Variants in SELENOF observed in about 807,000 individuals in gnomAD.
SELENOF encodes the protein 15 kDa selenoprotein.
SELENOF carries 16 observed loss-of-function variants against 20.5 expected under a neutral mutation model. The ratio of observed to expected loss-of-function variants is 0.78; its 90% CI spans 0.53 to 1.19. SELENOF has a LOEUF of 1.19. Ranked by LOEUF, SELENOF falls within the 50% of genes most tolerant of loss-of-function variation. The pLI is 0.00. For synonymous variants in SELENOF, 78 were observed against 74.5 expected (o/e 1.05, Z -0.24); for missense variants, 215 against 194.2 (o/e 1.11, Z -0.64).
At chr1:86,906,186 T>C (rs1005451244) in intron 1 of SELENOF, among the ~76,000 whole-genome samples, 2 of 152,188 alleles carry the variant, frequency 1.3e-5, no homozygotes, top group Admixed American at 6.5e-5. Context: ...TGTGACTTTA[T>C]TGGTTAATTT....
intron 3 of SELENOF, among the ~76,000 whole-genome samples, chr1:86,873,958 T>C (rs998095429): frequency 2.6e-5 from 4 of 152,170 alleles, no homozygotes; most frequent in African/African-American, 9.6e-5. Context: ...CTGATCCATT[T>C]AATCATTAGA....
intron 2 of SELENOF, among the ~76,000 whole-genome samples, chr1:86,884,827 G>C (rs368304340): frequency 6.6e-6 from 1 of 152,166 alleles, no homozygotes; most frequent in South Asian, 2.1e-4. Context: ...TCTAACTCTA[G>C]CCCATTATTG....
At chr1:86,904,083 A>T (rs1439705952) in intron 1 of SELENOF, among the ~76,000 whole-genome samples, 2 of 152,232 alleles carry the variant, frequency 1.3e-5, no homozygotes, top group Non-Finnish European at 2.9e-5. Context: ...TTTTCTTATA[A>T]GAAAAAATAA....
chr1:86,894,705 C>T (rs1659475532), intron 2 of SELENOF, among the ~76,000 whole-genome samples: 3 of 152,012 alleles, frequency 2.0e-5, no homozygotes, highest in South Asian at 2.1e-4. Context: ...GGGGTGATGA[C>T]GCATGTCAAT....
intron 2 of SELENOF, among the ~76,000 whole-genome samples, chr1:86,886,493 A>G (rs1420151874): frequency 1.3e-5 from 2 of 151,922 alleles, no homozygotes; most frequent in Non-Finnish European, 2.9e-5. Flanking sequence ...CTCATTTTGG[A>G]AACTATTTTA....
At chr1:86,882,927 ACCAG>A (rs140472330) in intron 2 of SELENOF, among the ~76,000 whole-genome samples, 14,111 of 152,148 alleles carry the variant, frequency 0.093, 755 homozygotes, top group Non-Finnish European at 0.12. Context: ...GGAGTTCGAG[ACCAG>A]CCTGGCCAAC....
At chr1:86,885,690 A>C (rs1659194441) in intron 2 of SELENOF, among the ~76,000 whole-genome samples, 1 of 152,214 alleles carries the variant, frequency 6.6e-6, no homozygotes. Context: ...GTTGAGTCAA[A>C]CTAAATATCA....
At chr1:86,894,875 A>C (rs996226762) in intron 2 of SELENOF, among the ~76,000 whole-genome samples, 7 of 151,890 alleles carry the variant, frequency 4.6e-5, no homozygotes, top group Non-Finnish European at 1.5e-5. Context: ...AACAAACAAA[A>C]AAACCAAAGA....
At chr1:86,885,799 C>T (rs1470870565) in intron 2 of SELENOF, among the ~76,000 whole-genome samples, 1 of 152,058 alleles carries the variant, frequency 6.6e-6, no homozygotes, top group African/African-American at 2.4e-5. Flanking sequence ...GCAGTATGCC[C>T]CCTTGGGTAA....
chr1:86,897,852 A>T (rs1461727711), intron 2 of SELENOF, among the ~76,000 whole-genome samples: 1 of 152,216 alleles, frequency 6.6e-6, no homozygotes, highest in Non-Finnish European at 1.5e-5. Context: ...CCTTCCTCCC[A>T]GGTTGCTGCT....
intron 3 of SELENOF, among the ~76,000 whole-genome samples, chr1:86,875,288 C>T (rs1460647666): frequency 6.6e-6 from 1 of 151,740 alleles, no homozygotes; most frequent in African/African-American, 2.4e-5. Flanking sequence ...TTATATACAT[C>T]TGGACTGCAA....
chr1:86,878,698 G>C (rs1658987148), intron 3 of SELENOF, among the ~76,000 whole-genome samples: 1 of 151,986 alleles, frequency 6.6e-6, no homozygotes, highest in South Asian at 2.1e-4. Flanking sequence ...AGAGAGAAAA[G>C]AATATGAAGC....
chr1:86,908,965 A>G (rs1412227124), intron 1 of SELENOF, among the ~76,000 whole-genome samples: 1 of 152,238 alleles, frequency 6.6e-6, no homozygotes, highest in African/African-American at 2.4e-5. Flanking sequence ...TATTAACTTG[A>G]AATTAAAGCT....
intron 2 of SELENOF, among the ~76,000 whole-genome samples, chr1:86,902,550 T>G (rs1659729415): frequency 6.6e-6 from 1 of 152,160 alleles, no homozygotes; most frequent in African/African-American, 2.4e-5. Flanking sequence ...ACAACAGAAA[T>G]ATGCTAACAT....
At chr1:86,873,007 A>C (rs1658819787) in intron 3 of SELENOF, among the ~76,000 whole-genome samples, 1 of 151,808 alleles carries the variant, frequency 6.6e-6, no homozygotes, top group African/African-American at 2.4e-5. Context: ...TGCAAGCGCC[A>C]CTGCACTCCA....
At chr1:86,913,777 G>C in intron 1 of SELENOF, 1 of 493,488 alleles carries the variant, frequency 2.0e-6, no homozygotes, top group African/African-American at 1.9e-5. Flanking sequence ...ATTGTTTTTA[G>C]CAAGAGCCGT....
intron 2 of SELENOF, among the ~76,000 whole-genome samples, chr1:86,883,125 CA>C (rs34608814): frequency 0.3 from 29,136 of 95,986 alleles, 3,127 homozygotes; most frequent in African/African-American, 0.44. Flanking sequence ...AGACTTGTCT[CA>C]AAAAAAAAAA....
upstream of SELENOF, chr1:86,914,199 G>T: frequency 1.7e-6 from 2 of 1,180,000 alleles, no homozygotes; most frequent in Non-Finnish European, 2.5e-6. Flanking sequence ...GCTAACGGCC[G>T]TTGCCCTTAC....
intron 3 of SELENOF, among the ~76,000 whole-genome samples, chr1:86,870,022 C>CTTGG (rs1658718768): frequency 6.6e-6 from 1 of 152,166 alleles, no homozygotes; most frequent in Admixed American, 6.5e-5. Flanking sequence ...ATCCGCCTGC[C>CTTGG]TTGGCCTCCC....
Sources: gnomAD v4.1 joint callset for allele counts (sites outside exome capture counted in the v4.1 genomes callset) on GRCh38, gnomAD v4.1.1 for gene constraint, MANE v1.5 for transcripts, NCBI Gene and HGNC (gene_info 2026-07-23, HGNC 2026-07-21) for gene names.